ANKRD30B: variants seen among roughly 807,000 people sequenced by gnomAD.
ANKRD30B encodes ankyrin repeat domain 30B.
Under a neutral mutation model 202.2 loss-of-function variants are expected in ANKRD30B, and 144 were observed. That is an observed-to-expected ratio of 0.71 (90% CI 0.62 to 0.82). The LOEUF (loss-of-function observed/expected upper bound fraction) is 0.82, where lower values mean the gene tolerates loss of function less well. Among genes scored for constraint, ANKRD30B ranks in the 40% least tolerant of loss-of-function variants. ANKRD30B has a pLI of 0.00. For missense variants in ANKRD30B, 1,487 were observed against 1,669.1 expected (o/e 0.89, Z 1.90); for synonymous variants, 508 against 561.3 (o/e 0.91, Z 1.34).
chr18:14,835,785 A>G (rs1320001018), intron 34 of ANKRD30B, among the ~76,000 whole-genome samples: 9 of 152,046 alleles, frequency 5.9e-5, no homozygotes, highest in Middle Eastern at 7.7e-3. Context: ...TCACATTTCT[A>G]TCTCACTTTA....
chr18:14,843,733 G>C (rs897999263), intron 39 of ANKRD30B, among the ~76,000 whole-genome samples: 2 of 152,192 alleles, frequency 1.3e-5, no homozygotes, highest in Non-Finnish European at 2.9e-5. Context: ...GGCGGAGCTT[G>C]CAGTGAGCCG....
the ANKRD30B span, among the ~76,000 whole-genome samples, chr18:14,866,181 A>C: frequency 6.6e-6 from 1 of 152,264 alleles, no homozygotes; most frequent in African/African-American, 2.4e-5. Flanking sequence ...ATGCCAGTTT[A>C]GGCTCTCCAG....
intron 33 of ANKRD30B, among the ~76,000 whole-genome samples, chr18:14,828,883 C>T (rs1194755505): frequency 6.6e-6 from 1 of 152,082 alleles, no homozygotes; most frequent in Non-Finnish European, 1.5e-5. Flanking sequence ...CAGGTAAATC[C>T]TATAGATGGA....
In ANKRD30B at chr18:14,854,347, C is replaced by G. The variant is rs1466231640; in HGVS notation, c.*189C>G. Among the ~76,000 whole-genome samples, 1 of 152,100 alleles carries G rather than the reference C, an allele frequency of 6.6e-6. No individual in the cohort carries two copies. The highest frequency in any genetic ancestry group is 1.5e-5 in the Non-Finnish European group (1 of 68,008). On this transcript the variant is annotated 3_prime_UTR_variant, in exon 44 of 44. Coordinates refer to ENST00000690538, the MANE Select transcript of ANKRD30B (RefSeq NM_001367607.2). Reference sequence around the variant, plus strand: ...ATAAAAGTCATATAACAATGGTACCCTAAACCACCCACCTCACAGCATAGT... The same window carrying G: ...ATAAAAGTCATATAACAATGGTACCGTAAACCACCCACCTCACAGCATAGT...
chr18:14,784,057 T>A (rs925185110), intron 12 of ANKRD30B, among the ~76,000 whole-genome samples: 2 of 152,152 alleles, frequency 1.3e-5, no homozygotes, highest in African/African-American at 2.4e-5. Context: ...CATGTTCAGG[T>A]TTGACATTTA....
chr18:14,914,035 G>A, the ANKRD30B span, among the ~76,000 whole-genome samples: 1 of 152,132 alleles, frequency 6.6e-6, no homozygotes, highest in Non-Finnish European at 1.5e-5. Context: ...TGTCAGAGAC[G>A]GGAGTTGAGC....
chr18:14,854,832 AAC>A (rs56259305), downstream of ANKRD30B, among the ~76,000 whole-genome samples: 28,217 of 133,612 alleles, frequency 0.21, 2,775 homozygotes, highest in Middle Eastern at 0.25. Context: ...ACTATCCACG[AAC>A]ACACACACAC....
chr18:14,848,088 C>T (rs1217800815), intron 39 of ANKRD30B, among the ~76,000 whole-genome samples: 3 of 152,028 alleles, frequency 2.0e-5, no homozygotes, highest in Non-Finnish European at 4.4e-5. Context: ...TTTTTGTTTC[C>T]TGTGTCAGGT....
At chr18:14,905,245 A>G in the ANKRD30B span, among the ~76,000 whole-genome samples, 1 of 152,210 alleles carries the variant, frequency 6.6e-6, no homozygotes, top group East Asian at 1.9e-4. Flanking sequence ...TGATGTAGCT[A>G]TTCTCTATTC....
chr18:14,837,171 T>A (rs1202124733), intron 34 of ANKRD30B, 40 bp from the exon 35 acceptor site: 1 of 1,247,044 alleles, frequency 8.0e-7, no homozygotes, highest in African/African-American at 2.7e-5. Flanking sequence ...TTTCTGAAGT[T>A]TTTTTTTTGT....
At chr18:14,913,536 C>A in the ANKRD30B span, among the ~76,000 whole-genome samples, 1 of 152,192 alleles carries the variant, frequency 6.6e-6, no homozygotes. Flanking sequence ...AGGATGTAAT[C>A]TTCATCAGGA....
the ANKRD30B span, among the ~76,000 whole-genome samples, chr18:14,898,457 T>C: frequency 2.0e-5 from 3 of 152,236 alleles, no homozygotes; most frequent in South Asian, 2.1e-4. Context: ...GGAGGTGGAA[T>C]GCTTGCTTAC....
intron 32 of ANKRD30B, among the ~76,000 whole-genome samples, chr18:14,824,366 T>G (rs1235015021): frequency 6.6e-6 from 1 of 152,186 alleles, no homozygotes; most frequent in Admixed American, 6.5e-5. Flanking sequence ...AATATTTGTG[T>G]TTTTGGAGAT....
chr18:14,798,201 T>C (rs1969054048), intron 20 of ANKRD30B, among the ~76,000 whole-genome samples: 1 of 147,282 alleles, frequency 6.8e-6, no homozygotes, highest in African/African-American at 2.5e-5. Context: ...CGTCCCGTGG[T>C]GCCAACAATT....
chr18:14,884,797 C>G, the ANKRD30B span, among the ~76,000 whole-genome samples: 1 of 152,066 alleles, frequency 6.6e-6, no homozygotes, highest in Admixed American at 6.6e-5. Flanking sequence ...CCTGTCAAGT[C>G]TTTTCAACTC....
chr18:14,914,213 T>C, the ANKRD30B span, among the ~76,000 whole-genome samples: 4 of 152,228 alleles, frequency 2.6e-5, no homozygotes, highest in Non-Finnish European at 5.9e-5. Context: ...TGTTCCTCCA[T>C]GTTTATAAGC....
chr18:14,882,020 G>A, the ANKRD30B span, among the ~76,000 whole-genome samples: 2 of 152,060 alleles, frequency 1.3e-5, no homozygotes, highest in Non-Finnish European at 2.9e-5. Context: ...CTTGCTAATG[G>A]TCTATCGATT....
intron 15 of ANKRD30B, among the ~76,000 whole-genome samples, chr18:14,790,764 T>G (rs1224299462): frequency 1.3e-5 from 2 of 151,964 alleles, no homozygotes; most frequent in African/African-American, 4.8e-5. Context: ...TGGATAAGCT[T>G]TTTGATGTGC....
chr18:14,869,050 G>A, the ANKRD30B span, among the ~76,000 whole-genome samples: 1 of 152,228 alleles, frequency 6.6e-6, no homozygotes, highest in Non-Finnish European at 1.5e-5. Context: ...TAGATTTAAG[G>A]AGAATGTGTC....
Sources: allele counts gnomAD v4.1 joint callset (sites outside exome capture counted in the v4.1 genomes callset), GRCh38; gene constraint gnomAD v4.1.1; transcripts MANE v1.5; gene names NCBI Gene and HGNC (gene_info 2026-07-23, HGNC 2026-07-21).